The following ZMYND8 variants were observed in gnomAD, a reference collection of about 807,000 sequenced individuals.
The protein encoded by ZMYND8 is MYND-type zinc finger-containing chromatin reader ZMYND8.
ZMYND8 carries 37 observed loss-of-function variants against 140.8 expected under a neutral mutation model. The ratio of observed to expected loss-of-function variants is 0.26; its 90% CI spans 0.20 to 0.35. ZMYND8 has a LOEUF of 0.35. ZMYND8 is among the 10% of genes least tolerant of loss of function. ZMYND8 has a pLI of 1.00. For synonymous variants in ZMYND8, 592 were observed against 597.1 expected (o/e 0.99, Z 0.12); for missense variants, 1,068 against 1,570.0 (o/e 0.68, Z 5.40).
intron 16 of ZMYND8, among the ~76,000 whole-genome samples, chr20:47,235,931 G>A (rs2147144513): frequency 6.6e-6 from 1 of 152,300 alleles, no homozygotes; most frequent in South Asian, 2.1e-4. Context: ...CACCTTGCCA[G>A]TCTCATGTTT....
At chr20:47,223,823 T>A (rs1363173252) in intron 19 of ZMYND8, among the ~76,000 whole-genome samples, 1 of 146,874 alleles carries the variant, frequency 6.8e-6, no homozygotes, top group South Asian at 2.1e-4. Flanking sequence ...CGAAACTCTG[T>A]CTCAAAAAAA....
intron 22 of ZMYND8, among the ~76,000 whole-genome samples, chr20:47,212,343 G>A (rs1600825406): frequency 6.6e-6 from 1 of 152,198 alleles, no homozygotes; most frequent in African/African-American, 2.4e-5. Context: ...CGGGACACTG[G>A]CTGCCATAGC....
At chr20:47,264,950 T>G (rs2075402476) in intron 11 of ZMYND8, among the ~76,000 whole-genome samples, 1 of 151,600 alleles carries the variant, frequency 6.6e-6, no homozygotes, top group East Asian at 1.9e-4. Flanking sequence ...GATGGGAGGA[T>G]CCATTGAGCC....
intron 11 of ZMYND8, among the ~76,000 whole-genome samples, chr20:47,270,308 G>C (rs951162450): frequency 1.4e-5 from 2 of 138,848 alleles, no homozygotes; most frequent in African/African-American, 5.4e-5. Context: ...AGGTGGTAGA[G>C]TTTACAGTGA....
At chr20:47,282,276 A>G (rs938100774) in intron 9 of ZMYND8, 59 bp from the exon 10 acceptor site, 15 of 1,467,448 alleles carry the variant, frequency 1.0e-5, no homozygotes, top group African/African-American at 1.4e-5. Flanking sequence ...GATACTCACT[A>G]AAGTTTGGTA....
At chr20:47,340,290 TG>T (rs1277644143) in intron 2 of ZMYND8, among the ~76,000 whole-genome samples, 2 of 149,348 alleles carry the variant, frequency 1.3e-5, no homozygotes, top group African/African-American at 5.1e-5. Flanking sequence ...CTCAAATCAT[TG>T]GGGTAAGTAA....
At chr20:47,319,132 T>C (rs1243400039) in intron 2 of ZMYND8, 1 of 1,015,364 alleles carries the variant, frequency 9.8e-7, no homozygotes, top group Non-Finnish European at 1.4e-6. Flanking sequence ...CCCGGTCTTG[T>C]ACGCATTAGG....
Position 47,221,219 on chromosome 20 carries a change from C to A in ZMYND8, c.3417+95G>T, listed in dbSNP as rs547544131. On this transcript the variant is annotated intron_variant, in intron 20 of 22. Transcript: ENST00000471951. Reference sequence around the variant, plus strand: ...GCACACTGTTAGGACAAGCCTCCCACAACACGGAACTTTCAGGGCGGCAGA... The same window carrying A: ...GCACACTGTTAGGACAAGCCTCCCAAAACACGGAACTTTCAGGGCGGCAGA... The A allele has an allele frequency of 1.1e-4, 162 of 1,510,950 alleles. 3 individuals carry two copies. In the South Asian group the frequency reaches 1.9e-3, roughly 18 times the overall value. The allele number at this position is 1,510,950 out of a possible 1,614,324, so 93.6% of individuals were successfully genotyped here. A position where few individuals can be genotyped will look rare whatever the true frequency, so the allele number is the denominator to read the frequency against.
At chr20:47,309,703 T>C (rs886183241) in intron 3 of ZMYND8, among the ~76,000 whole-genome samples, 5 of 151,312 alleles carry the variant, frequency 3.3e-5, no homozygotes, top group African/African-American at 9.7e-5. Flanking sequence ...GAACTAGTCC[T>C]GTGGGCATGG....
chr20:47,270,969 C>T (rs1008341266), intron 11 of ZMYND8, among the ~76,000 whole-genome samples: 30 of 151,780 alleles, frequency 2.0e-4, no homozygotes, highest in African/African-American at 7.0e-4. Flanking sequence ...CCCAGCTACT[C>T]GGGAGGCTGA....
rs1045581901 is a variant in ZMYND8 at position 47,229,739 on chromosome 20, C to T, written c.2924G>A (p.Ser975Asn). 1 of 1,613,266 alleles carries T rather than the reference C, an allele frequency of 6.2e-7. No homozygotes were observed. The highest frequency in any genetic ancestry group is 1.3e-5 in the African/African-American group (1 of 74,878). ...GTCATCTCTGACCTCAGCTATTGTG[C>T]TTCCAGTAGTGTTTTTAGAAAGATC... ...YNDLSKNTTGSTIAEIRRLRI... is the reference protein window; with the variant it reads ...YNDLSKNTTGNTIAEIRRLRI... The change falls in exon 17 of 23, where the codon AGC (serine) becomes AAC (asparagine). Residue 975 changes from serine (S) to asparagine (N), a missense_variant. Physicochemically the swap from Ser to Asn is conservative, Grantham distance 46 (BLOSUM62 1). Transcript: ENST00000471951.
At chr20:47,351,932 G>A in intron 1 of ZMYND8, 1 of 985,348 alleles carries the variant, frequency 1.0e-6, no homozygotes, top group Non-Finnish European at 1.2e-6. Flanking sequence ...ACGTTTAGAA[G>A]CTTAAAAAAA....
At chr20:47,327,720 C>T (rs917758862) in intron 2 of ZMYND8, among the ~76,000 whole-genome samples, 9 of 152,204 alleles carry the variant, frequency 5.9e-5, no homozygotes, top group African/African-American at 2.2e-4. Flanking sequence ...GAACAATCCT[C>T]CCGCCTGCCC....
At chr20:47,356,285 G>A in intron 1 of ZMYND8, 1 of 1,191,928 alleles carries the variant, frequency 8.4e-7, no homozygotes, top group South Asian at 1.5e-5. Flanking sequence ...TGGGAGGGGG[G>A]GAACTGCTCA....
At chr20:47,246,567 G>C in intron 13 of ZMYND8, 50 bp from the exon 14 acceptor site, 1 of 1,519,734 alleles carries the variant, frequency 6.6e-7, no homozygotes, top group Non-Finnish European at 8.7e-7. Context: ...AAAATAAAGA[G>C]CAGGATGAAA....
At chr20:47,299,677 G>A (rs182786036) in intron 3 of ZMYND8, among the ~76,000 whole-genome samples, 251 of 152,038 alleles carry the variant, frequency 1.7e-3, no homozygotes, top group African/African-American at 5.4e-3. Flanking sequence ...TCTGCCTCCC[G>A]GGTTCAAGCC....
chr20:47,303,117 T>C (rs1048113655), intron 3 of ZMYND8, among the ~76,000 whole-genome samples: 2 of 152,124 alleles, frequency 1.3e-5, no homozygotes, highest in African/African-American at 4.8e-5. Context: ...GTAGAGGGTC[T>C]GCTCTCTGCC....
intron 21 of ZMYND8, among the ~76,000 whole-genome samples, chr20:47,213,182 C>T (rs2035537182): frequency 6.6e-6 from 1 of 152,094 alleles, no homozygotes; most frequent in South Asian, 2.1e-4. Flanking sequence ...ATGGAGAAGG[C>T]ACACGTGATG....
intron 3 of ZMYND8, among the ~76,000 whole-genome samples, chr20:47,302,224 C>A (rs1257373615): frequency 3.9e-5 from 6 of 152,054 alleles, no homozygotes; most frequent in Non-Finnish European, 7.4e-5. Context: ...CCTGTAATGT[C>A]AGCACTTTGG....
Sources: allele counts gnomAD v4.1 joint callset (sites outside exome capture counted in the v4.1 genomes callset), GRCh38; gene constraint gnomAD v4.1.1; transcripts MANE v1.5; gene names NCBI Gene and HGNC (gene_info 2026-07-23, HGNC 2026-07-21).